Variants in ADAR observed in about 807,000 individuals in gnomAD.
ADAR encodes the protein double-stranded RNA-specific adenosine deaminase.
ADAR carries 41 observed loss-of-function variants against 113.2 expected under a neutral mutation model. That is an observed-to-expected ratio of 0.36 (90% CI 0.28 to 0.47). The LOEUF (loss-of-function observed/expected upper bound fraction) is 0.47. ADAR is among the 20% of genes least tolerant of loss of function. ADAR has a pLI of 1.00. For synonymous variants in ADAR, 605 were observed against 572.6 expected (o/e 1.06, Z -0.81); for missense variants, 1,242 against 1,540.9 (o/e 0.81, Z 3.25).
intron 1 of ADAR, among the ~76,000 whole-genome samples, chr1:154,606,953 T>TAC (rs1698228968): frequency 6.7e-6 from 1 of 148,486 alleles, no homozygotes; most frequent in Admixed American, 6.7e-5. Flanking sequence ...AAAAAATATA[T>TAC]ATATATCTTA....
intron 1 of ADAR, among the ~76,000 whole-genome samples, chr1:154,627,651 C>T (rs1003779148): frequency 2.0e-5 from 3 of 152,236 alleles, no homozygotes; most frequent in African/African-American, 7.2e-5. Flanking sequence ...TACACCGGCC[C>T]GGGCGTCCGC....
chr1:154,608,622 G>T (rs1235722641), upstream of ADAR: 1 of 152,170 alleles, frequency 6.6e-6, no homozygotes, highest in African/African-American at 2.4e-5. Context: ...GATTACAGGC[G>T]TCAGCCCCCG....
intron 1 of ADAR, among the ~76,000 whole-genome samples, chr1:154,624,418 C>A (rs1698878823): frequency 6.6e-6 from 1 of 152,102 alleles, no homozygotes; most frequent in Non-Finnish European, 1.5e-5. Flanking sequence ...AGCAACTAGA[C>A]CTCCTTGGGT....
At chr1:154,594,673 C>T (rs1195900329) in intron 6 of ADAR, among the ~76,000 whole-genome samples, 1 of 152,172 alleles carries the variant, frequency 6.6e-6, no homozygotes, top group Non-Finnish European at 1.5e-5. Flanking sequence ...CCAAAAAAGC[C>T]TCTATAGAAA....
intron 1 of ADAR, among the ~76,000 whole-genome samples, chr1:154,606,377 C>T (rs142516593): frequency 6.6e-6 from 1 of 151,824 alleles, no homozygotes; most frequent in Non-Finnish European, 1.5e-5. Flanking sequence ...TTGTATTCAC[C>T]TGGGGATAAT....
At chr1:154,600,423 T>G (rs1252050501) in intron 2 of ADAR, 1 of 155,922 alleles carries the variant, frequency 6.4e-6, no homozygotes, top group African/African-American at 2.4e-5. Context: ...CCTCCCAAAG[T>G]GCTGGGATTA....
At chr1:154,587,479 G>A (rs767551063) in intron 11 of ADAR, among the ~76,000 whole-genome samples, 2 of 152,134 alleles carry the variant, frequency 1.3e-5, no homozygotes, top group Non-Finnish European at 2.9e-5. Flanking sequence ...TTTCCGTGTG[G>A]ACACAGATCT....
Position 154,601,807 on chromosome 1 carries a change from C to T in ADAR, c.835G>A (p.Glu279Lys). 9 of 1,614,246 alleles carry T rather than the reference C, an allele frequency of 5.6e-6. No individual in the cohort carries two copies. The highest frequency in any genetic ancestry group is 7.6e-6 in the Non-Finnish European group (9 of 1,180,046). ...AAGGCAGATGTGGAGTTGCTGTCTT[C>T]AGGTTCCAAACCTGGGTCTGAGTTT... ...SPNSDPGLEP[E>K]DSNSTSALED... The change falls in exon 2 of 15, where the codon GAA becomes AAA. Residue 279 changes from glutamate (E) to lysine (K), a missense_variant. By Grantham distance (56) the Glu-to-Lys change is moderately conservative (BLOSUM62 1). This residue lies in a region of ADAR where 462 missense variants were observed against 483.1 expected (regional missense o/e 0.96). Coordinates refer to ENST00000368474, the MANE Select transcript of ADAR (RefSeq NM_001111.5). This position sits in a 1 kb window ranked among gnomAD's most constrained non-coding sequence, Gnocchi z 4.7.
chr1:154,585,152 G>A (rs970217979), intron 14 of ADAR, 65 bp downstream of exon 14: 1 of 1,613,850 alleles, frequency 6.2e-7, no homozygotes, highest in Non-Finnish European at 8.5e-7. Flanking sequence ...GACTGCAGAG[G>A]TATGATGCAC....
At chr1:154,600,479 CTT>C (rs1014062497) in intron 2 of ADAR, 31 of 140,162 alleles carry the variant, frequency 2.2e-4, no homozygotes, top group South Asian at 9.5e-4. Flanking sequence ...TCATTTCTTT[CTT>C]TTTTTTTTTT....
rs781413531 is a variant in ADAR, at chr1:154,588,236, C to A, written c.2908G>T (p.Ala970Ser). Residue 970 changes from alanine to serine, a missense_variant, in exon 11 of 15, where the codon GCC becomes TCC. By Grantham distance (99) the Ala-to-Ser change is moderately conservative (BLOSUM62 1). Transcript: ENST00000368474. Reference sequence around the variant, plus strand: ...TCGCTGCAGGACTTGTCAAAGAGGGCGCCATCTCCACACGGAGCAGTGCTG... The same window carrying A: ...TCGCTGCAGGACTTGTCAAAGAGGGAGCCATCTCCACACGGAGCAGTGCTG... ...YISTAPCGDG[A>S]LFDKSCSDRA... The A allele has an allele frequency of 6.2e-7, 1 of 1,613,814 alleles. No individual in the cohort carries two copies. Among genetic ancestry groups the A allele is most frequent in the Admixed American group, 1.7e-5 (1 of 60,002 alleles).
In ADAR at chr1:154,601,050, T is replaced by C. The variant is rs1697839318; in HGVS notation, c.1592A>G (p.His531Arg). Residue 531 changes from histidine to arginine, a missense_variant, in exon 2 of 15, where the codon CAT (histidine) becomes CGT (arginine). Coordinates refer to ENST00000368474, the MANE Select transcript of ADAR (RefSeq NM_001111.5). This position sits in a 1 kb window ranked among gnomAD's most constrained non-coding sequence, Gnocchi z 4.7. Reference sequence around the variant, plus strand: ...CTGGGTGGTCTCTTACCGAGGTTCATGGGGTGGTCCACTCTGCTCTATCAT... The same window carrying C: ...CTGGGTGGTCTCTTACCGAGGTTCACGGGGTGGTCCACTCTGCTCTATCAT... The part of the protein sequence containing the change: ...FNMIEQSGPP[H>R]EPRFKFQVVI... 6.2e-7 allele frequency: 1 copy of C among 1,614,008 alleles called. No individual in the cohort carries two copies. The highest frequency in any genetic ancestry group is 8.5e-7 in the Non-Finnish European group (1 of 1,180,036).
intron 6 of ADAR, 105 bp downstream of exon 6, chr1:154,596,700 C>T: frequency 7.4e-7 from 1 of 1,342,906 alleles, no homozygotes; most frequent in Non-Finnish European, 1.0e-6. Flanking sequence ...TTTCCCTCAA[C>T]TCGCCCCTTC....
At chr1:154,593,156 A>AAAC (rs56192952) in intron 6 of ADAR, among the ~76,000 whole-genome samples, 1 of 145,504 alleles carries the variant, frequency 6.9e-6, no homozygotes, top group Admixed American at 6.8e-5. Context: ...AAAAAAAAAA[A>AAAC]CAGAAAAGAA....
At chr1:154,597,704 C>T (rs1056466857) in intron 4 of ADAR, 124 bp downstream of exon 4, 1 of 1,340,190 alleles carries the variant, frequency 7.5e-7, no homozygotes, top group Admixed American at 1.8e-5. Context: ...TCAGAGCCCT[C>T]CTTTCCCCAT....
At chr1:154,622,193 C>T (rs866059487) in intron 1 of ADAR, among the ~76,000 whole-genome samples, 30 of 152,096 alleles carry the variant, frequency 2.0e-4, no homozygotes, top group Middle Eastern at 6.8e-3. Flanking sequence ...TGCGGCAGAG[C>T]GTGGCTGCGT....
upstream of ADAR, among the ~76,000 whole-genome samples, chr1:154,610,808 C>CAAAAA (rs1369386387): frequency 0.018 from 749 of 40,536 alleles, 126 homozygotes; most frequent in Non-Finnish European, 0.033. Context: ...GACACCGTCT[C>CAAAAA]AAAAAAAAAA....
chr1:154,627,724 G>A (rs764793145), intron 1 of ADAR: 1 of 402,250 alleles, frequency 2.5e-6, no homozygotes, highest in Non-Finnish European at 5.0e-6. Context: ...ACCCAGCCCT[G>A]CGGCCACCCT....
At chr1:154,592,014 C>G (rs1571073040) in intron 6 of ADAR, among the ~76,000 whole-genome samples, 1 of 152,156 alleles carries the variant, frequency 6.6e-6, no homozygotes, top group Non-Finnish European at 1.5e-5. Flanking sequence ...TGAACTCTTA[C>G]GTGCAAAGTT....
Sources: gnomAD v4.1 joint callset for allele counts (sites outside exome capture counted in the v4.1 genomes callset) on GRCh38, gnomAD v4.1.1 for gene constraint, gnomAD v4.1.1 regional missense constraint, Gnocchi (gnomAD v3.1) non-coding constraint, MANE v1.5 for transcripts, NCBI Gene and HGNC (gene_info 2026-07-23, HGNC 2026-07-21) for gene names.